Variants in LSM4 observed in about 807,000 individuals in gnomAD.
LSM4 encodes the protein U6 snRNA-associated Sm-like protein LSm4.
Under a neutral mutation model 22.3 loss-of-function variants are expected in LSM4, and 15 were observed. The observed-to-expected ratio is 0.67, with a 90% confidence interval of 0.45 to 1.03. LSM4 has a LOEUF of 1.03. LSM4 is among the 50% of genes least tolerant of loss of function. The pLI, the probability that LSM4 is intolerant of heterozygous loss-of-function variation, is 0.00. For synonymous variants in LSM4, 90 were observed against 79.8 expected (o/e 1.13, Z -0.68); for missense variants, 127 against 198.0 (o/e 0.64, Z 2.15).
At chr19:18,316,585 T>A (rs1399992750) in intron 1 of LSM4, among the ~76,000 whole-genome samples, 1 of 151,974 alleles carries the variant, frequency 6.6e-6, no homozygotes, top group Non-Finnish European at 1.5e-5. Flanking sequence ...AGACCTCAGG[T>A]GATCCACCCG....
At chr19:18,311,274 C>T (rs543767738) in intron 3 of LSM4, among the ~76,000 whole-genome samples, 1 of 152,248 alleles carries the variant, frequency 6.6e-6, no homozygotes, top group South Asian at 2.1e-4. Context: ...TCTCTCAGCC[C>T]GGGGTCTCTG....
intron 3 of LSM4, among the ~76,000 whole-genome samples, chr19:18,311,350 C>A (rs1336401313): frequency 6.6e-6 from 1 of 152,138 alleles, no homozygotes. Flanking sequence ...GAGTTCCCAT[C>A]GCCTCTCCTC....
chr19:18,316,065 G>A lies in LSM4; in HGVS notation c.4C>T (p.Leu2Phe), dbSNP rs1381649961. Reference sequence around the variant, plus strand: ...GCCGTCTTCAGCAGTGACAAGGGAAGCTGAAAGGCAAATAAAGCCACATGA... The same window carrying A: ...GCCGTCTTCAGCAGTGACAAGGGAAACTGAAAGGCAAATAAAGCCACATGA... MLPLSLLKTAQN... is the reference protein window; with the variant it reads MFPLSLLKTAQN... The change falls in exon 2 of 5, where the codon CTT (leucine) becomes TTT (phenylalanine). Residue 2 changes from leucine (L) to phenylalanine (F), a missense_variant and splice_region_variant. Physicochemically the swap from Leu to Phe is conservative, Grantham distance 22. Transcript: ENST00000593829. 5.0e-6 allele frequency: 8 copies of A among 1,613,558 alleles called. No individual in the cohort carries two copies. Among genetic ancestry groups the A allele is most frequent in the Admixed American group, 1.7e-5 (1 of 59,980 alleles).
chr19:18,316,337 A>ATTTTTTT (rs35435536), intron 1 of LSM4: 2 of 123,258 alleles, frequency 1.6e-5, no homozygotes, highest in Non-Finnish European at 3.2e-5. Flanking sequence ...ACTCTGGTCA[A>ATTTTTTT]TTTTTTTTTT....
In LSM4 at chr19:18,307,314, AG is replaced by A. The variant is rs1970237601; in HGVS notation, c.*149del. On this transcript the variant is annotated 3_prime_UTR_variant, in exon 5 of 5. Transcript: ENST00000593829. ...AGAATTGCCGGTTTTAGCAAGAAAA[AG>A]GGGCTTCACCTAAAAGGGAGGGTCA... is the stretch of plus-strand genomic sequence containing the variant. 2 of 521,460 alleles carry A rather than the reference AG, an allele frequency of 3.8e-6. No homozygotes were observed. The highest frequency in any genetic ancestry group is 6.2e-6 in the Non-Finnish European group (2 of 322,760). 32.3% of individuals were successfully genotyped at this position (521,460 alleles called of 1,614,324 possible).
chr19:18,306,692 G>A lies in LSM4; in HGVS notation c.*772C>T, dbSNP rs1311773318. 1 of 152,180 alleles carries A rather than the reference G, an allele frequency of 6.6e-6. No individual in the cohort carries two copies. The highest frequency in any genetic ancestry group is 1.5e-5 in the Non-Finnish European group (1 of 68,034). 9.4% of individuals were successfully genotyped at this position (152,180 alleles called of 1,614,324 possible). On this transcript the variant is annotated 3_prime_UTR_variant, in exon 5 of 5. Transcript: ENST00000593829. The stretch of plus-strand genomic sequence containing the variant: ...AGAGGGTTATAGGACAACCTGGTGT[G>A]GGGGGCGCCGGGGACTCTCAAGAGC...
chr19:18,317,817 C>T (rs943962644), intron 1 of LSM4, among the ~76,000 whole-genome samples: 3 of 152,142 alleles, frequency 2.0e-5, no homozygotes, highest in Non-Finnish European at 2.9e-5. Context: ...AGGTATGCAC[C>T]ACCACGCCTG....
chr19:18,312,738 C>T, intron 2 of LSM4, 36 bp from the exon 3 acceptor site: 1 of 1,519,324 alleles, frequency 6.6e-7, no homozygotes, highest in Non-Finnish European at 9.1e-7. Context: ...GGCTGTAGCC[C>T]TGGAGCCCTG....
intron 4 of LSM4, among the ~76,000 whole-genome samples, chr19:18,307,794 G>C (rs1183717218): frequency 6.6e-6 from 1 of 152,092 alleles, no homozygotes; most frequent in African/African-American, 2.4e-5. Context: ...TGCGGGGGGG[G>C]GGGACTAGGC....
intron 1 of LSM4, among the ~76,000 whole-genome samples, chr19:18,316,807 G>A (rs927435466): frequency 6.6e-6 from 1 of 152,126 alleles, no homozygotes; most frequent in Admixed American, 6.5e-5. Context: ...GGTCCTGTCT[G>A]TCTGAAGCAA....
intron 1 of LSM4, among the ~76,000 whole-genome samples, chr19:18,318,720 G>A (rs1159050911): frequency 2.0e-5 from 3 of 152,220 alleles, no homozygotes; most frequent in Admixed American, 6.5e-5. Flanking sequence ...CAGAGGAGGC[G>A]CCAGCGCCCA....
chr19:18,312,512 C>T, intron 3 of LSM4, 92 bp downstream of exon 3: 2 of 1,108,094 alleles, frequency 1.8e-6, no homozygotes, highest in South Asian at 1.3e-5. Flanking sequence ...CGGCCTCCCC[C>T]ACTGACTCCT....
chr19:18,307,688 T>A, intron 4 of LSM4, 133 bp from the exon 5 acceptor site: 1 of 596,412 alleles, frequency 1.7e-6, no homozygotes, highest in Non-Finnish European at 2.7e-6. Flanking sequence ...AGGTGGTGAC[T>A]GAGGGTGCTT....
intron 1 of LSM4, among the ~76,000 whole-genome samples, chr19:18,316,601 G>A (rs1188018854): frequency 6.6e-6 from 1 of 152,140 alleles, no homozygotes; most frequent in African/African-American, 2.4e-5. Flanking sequence ...ACCCGCCTCG[G>A]CTTCCCAAAG....
intron 2 of LSM4, among the ~76,000 whole-genome samples, chr19:18,313,953 G>A (rs1191561158): frequency 6.6e-6 from 1 of 152,070 alleles, no homozygotes; most frequent in Non-Finnish European, 1.5e-5. Context: ...CCAAGTAGCT[G>A]GGATTACAGG....
chr19:18,310,466 G>GTT (rs1004278843), intron 3 of LSM4, among the ~76,000 whole-genome samples: 13 of 152,182 alleles, frequency 8.5e-5, no homozygotes, highest in Non-Finnish European at 1.9e-4. Context: ...TGCCAGGGTG[G>GTT]CTCAAGGGCG....
chr19:18,309,605 C>T (rs1331171837), intron 4 of LSM4, 73 bp downstream of exon 4: 1 of 1,480,864 alleles, frequency 6.8e-7, no homozygotes, highest in Admixed American at 2.2e-5. Context: ...GCAAGGGCAA[C>T]CCCAAGAAGG....
intron 4 of LSM4, among the ~76,000 whole-genome samples, chr19:18,308,014 G>A (rs989698911): frequency 6.6e-6 from 1 of 152,036 alleles, no homozygotes; most frequent in Non-Finnish European, 1.5e-5. Context: ...GAGGAAAACA[G>A]AAAGAGGGAT....
rs1230074756 is a variant in LSM4 at position 18,320,178 on chromosome 19, G to C, written c.3+2840C>G. Among the ~76,000 whole-genome samples, 4 of 152,150 alleles carry C rather than the reference G, an allele frequency of 2.6e-5. No homozygotes were observed. The East Asian group carries it at 7.7e-4, about 29-fold the overall frequency. On this transcript the variant is annotated intron_variant, in intron 1 of 4. Transcript: ENST00000593829. The stretch of plus-strand genomic sequence containing the variant: ...CTGTTGGAGAGAGGTCAGAGGAAGG[G>C]GTGGATCCTCAAAATCTTAAAAGAA...
Sources: gnomAD v4.1 joint callset for allele counts (sites outside exome capture counted in the v4.1 genomes callset) on GRCh38, gnomAD v4.1.1 for gene constraint, MANE v1.5 for transcripts, NCBI Gene and HGNC (gene_info 2026-07-23, HGNC 2026-07-21) for gene names.